Variants in NEFL observed in about 807,000 individuals in gnomAD.
The protein encoded by NEFL is neurofilament light polypeptide.
A neutral mutation model predicts 51.6 loss-of-function variants in NEFL; 36 were observed. The ratio of observed to expected loss-of-function variants is 0.70; its 90% CI spans 0.53 to 0.92. The LOEUF (loss-of-function observed/expected upper bound fraction) is 0.92. Ranked by LOEUF, NEFL falls within the 40% of genes least tolerant of loss-of-function variation. The pLI, the probability that NEFL is intolerant of heterozygous loss-of-function variation, is 0.00. For synonymous variants in NEFL, 332 were observed against 302.5 expected (o/e 1.10, Z -1.01); for missense variants, 671 against 722.0 (o/e 0.93, Z 0.81).
rs1261406519 is a variant in NEFL at position 24,953,576 on chromosome 8, A to G, written c.1389T>C (p.Ala463=). ...AGGGGGGCTCATCCTTGGCTTCCTC[A>G]GCCTTGGCAGCCTCAATGGTTTCCT... ...EVEETIEAAK[A]EEAKDEPPSE... is the part of the protein sequence containing the mutation. The change falls in exon 3 of 4, where the codon GCT becomes GCC. Residue 463 remains alanine (A), a synonymous_variant. Coordinates refer to ENST00000610854, the MANE Select transcript of NEFL (RefSeq NM_006158.5). The G allele has an allele frequency of 1.9e-6, 3 of 1,613,834 alleles. No individual in the cohort carries two copies. Among genetic ancestry groups the G allele is most frequent in the East Asian group, 2.2e-5 (1 of 44,870 alleles).
chr8:24,955,355 G>T lies in NEFL; in HGVS notation c.1044+117C>A. On this transcript the variant is annotated intron_variant, in intron 1 of 3. Coordinates refer to ENST00000610854, the MANE Select transcript of NEFL (RefSeq NM_006158.5). This position sits in a 1 kb window ranked among gnomAD's most constrained non-coding sequence, Gnocchi z 4.0. The stretch of plus-strand genomic sequence containing the variant: ...TCCCACACAGTGGCCAAGGAGCCAA[G>T]CCCTATCCCTAAGAGCTGCGTGCAG... 1.9e-6 allele frequency: 2 copies of T among 1,068,912 alleles called. No homozygotes were observed. The highest frequency in any genetic ancestry group is 2.6e-6 in the Non-Finnish European group (2 of 759,900). The allele number at this position is 1,068,912 out of a possible 1,614,324, so 66.2% of individuals were successfully genotyped here. A position where few individuals can be genotyped will look rare whatever the true frequency, so the allele number is the denominator to read the frequency against.
rs1187312974 is a variant in NEFL, at chr8:24,954,303, G to A, written c.1047C>T (p.Asp349=). 3.1e-6 allele frequency: 5 copies of A among 1,611,004 alleles called. No homozygotes were observed. Among genetic ancestry groups the A allele is most frequent in the Non-Finnish European group, 2.5e-6 (3 of 1,179,174 alleles). ...ATTCATTTTCTAATTTGTTGATCGT[G>A]TCCTGTTTGAAGACAAAAATAAAAC... ...KQNADISAMQ[D]TINKLENELR... is the part of the protein sequence containing the mutation. The change falls in exon 2 of 4, where the codon GAC becomes GAT. Residue 349 remains aspartate (D), a splice_region_variant and synonymous_variant. Coordinates refer to ENST00000610854, the MANE Select transcript of NEFL (RefSeq NM_006158.5).
rs189575654 is a variant in NEFL, at chr8:24,951,480, C to T, written c.*1330G>A. On this transcript the variant is annotated 3_prime_UTR_variant, in exon 4 of 4. Transcript: ENST00000610854. ...AAATGCAAGAGCGTTCTTAACTTTA[C>T]GACAGAAAGGATACATGGGGCGTGT... is the stretch of plus-strand genomic sequence containing the variant. 7 of 152,262 alleles carry T rather than the reference C, an allele frequency of 4.6e-5. No homozygotes were observed. The highest frequency in any genetic ancestry group is 7.2e-5 in the African/African-American group (3 of 41,554). 9.4% of individuals were successfully genotyped at this position (152,262 alleles called of 1,614,324 possible).
rs767370918 is a variant in NEFL, at chr8:24,956,246, C to G, written c.270G>C (p.Glu90Asp). ...CATTGAGGTCCTGGAGCTGCGCCTT[C>G]TCCTGCGTGCGGATGGACTTGAGGT... ...SNDLKSIRTQ[E>D]KAQLQDLNDR... The change falls in exon 1 of 4, where the codon GAG becomes GAC. Residue 90 changes from glutamate to aspartate, a missense_variant. Transcript: ENST00000610854. This position sits in a 1 kb window ranked among gnomAD's most constrained non-coding sequence, Gnocchi z 5.9. The G allele has an allele frequency of 4.3e-6, 7 of 1,611,986 alleles. No individual in the cohort carries two copies. The highest frequency in any genetic ancestry group is 5.9e-6 in the Non-Finnish European group (7 of 1,179,226).
In NEFL at chr8:24,954,218, C is replaced by A. The variant is rs1803010389; in HGVS notation, c.1132G>T (p.Val378Leu). ...YLKEYQDLLN[V>L]KMALDIEIAA... ...ATCTCAATATCCAAAGCCATCTTCA[C>A]GTTGAGGAGGTCTTGGTATTCTTTT... The change falls in exon 2 of 4, where the codon GTG becomes TTG. Residue 378 changes from valine to leucine, a missense_variant. Coordinates refer to ENST00000610854, the MANE Select transcript of NEFL (RefSeq NM_006158.5). 1 of 1,613,818 alleles carries A rather than the reference C, an allele frequency of 6.2e-7. No homozygotes were observed.
Position 24,952,838 on chromosome 8 carries a change from T to G in NEFL, c.1604A>C (p.Glu535Ala). The G allele has an allele frequency of 6.2e-7, 1 of 1,613,192 alleles. No individual in the cohort carries two copies. The highest frequency in any genetic ancestry group is 8.5e-7 in the Non-Finnish European group (1 of 1,179,170). Residue 535 changes from glutamate (E) to alanine (A), a missense_variant, in exon 4 of 4, where the codon GAG (glutamate) becomes GCG (alanine). By Grantham distance (107) the Glu-to-Ala change is moderately radical (BLOSUM62 -1). Coordinates refer to ENST00000610854, the MANE Select transcript of NEFL (RefSeq NM_006158.5). ...EEEKKVEGAG[E>A]EQAAKKKD ...ATCTTTCTTCTTAGCTGCTTGTTCC[T>G]CCCCAGCACCTTCAACTTTCTTCTC... is the stretch of plus-strand genomic sequence containing the variant.
rs35262906 is a variant in NEFL, at chr8:24,955,443, G to GC, written c.1044+28dup. 8.3e-6 allele frequency: 11 copies of GC among 1,321,214 alleles called. No individual in the cohort carries two copies. Among genetic ancestry groups the GC allele is most frequent in the Non-Finnish European group, 9.9e-6 (10 of 1,014,464 alleles). 81.8% of individuals were successfully genotyped at this position (1,321,214 alleles called of 1,614,324 possible). On this transcript the variant is annotated intron_variant, in intron 1 of 3. Transcript: ENST00000610854. This position sits in a 1 kb window ranked among gnomAD's most constrained non-coding sequence, Gnocchi z 4.0. ...ACTCCCCCCCTTGCTCGAGTCCCCC[G>GC]CCCCCCTGTGTTTCTGGCCGTGCCG...
chr8:24,953,047 G>A, intron 3 of NEFL, 95 bp from the exon 4 acceptor site: 1 of 1,428,126 alleles, frequency 7.0e-7, no homozygotes. Flanking sequence ...ACAACTGTCA[G>A]AATGCTACCA....
chr8:24,954,431 T>C (rs1040717359), intron 1 of NEFL, 126 bp from the exon 2 acceptor site: 2 of 1,065,916 alleles, frequency 1.9e-6, no homozygotes, highest in Non-Finnish European at 2.6e-6. Context: ...TGATAAAATC[T>C]CTCCTAGAAT....
In NEFL at chr8:24,955,433, C is replaced by T. The variant is rs6982740; in HGVS notation, c.1044+39G>A. ...GGGCGCACCAACTCCCCCCCTTGCT[C>T]GAGTCCCCCGCCCCCCTGTGTTTCT... On this transcript the variant is annotated intron_variant, in intron 1 of 3. Transcript: ENST00000610854. This position sits in a 1 kb window ranked among gnomAD's most constrained non-coding sequence, Gnocchi z 4.0. 5.1e-5 allele frequency: 42 copies of T among 825,932 alleles called. 1 individual carries two copies. In the South Asian group the frequency reaches 5.9e-4, roughly 12 times the overall value. The allele number at this position is 825,932 out of a possible 1,614,324, so 51.2% of individuals were successfully genotyped here. A position where few individuals can be genotyped will look rare whatever the true frequency, so the allele number is the denominator to read the frequency against.
At position 24,955,490 on chromosome 8, in the gene NEFL, G is replaced by T; in HGVS notation, c.1026C>A (p.Ala342=). 6.2e-7 allele frequency: 1 copy of T among 1,608,380 alleles called. No homozygotes were observed. The highest frequency in any genetic ancestry group is 2.2e-5 in the East Asian group (1 of 44,746). ...GCCGCACCTGCATAGCGCTGATGTC[G>T]GCGTTCTGCTTGTCCTCCAGCTCCT... ...QLQELEDKQN[A]DISAMQDTIN... is the part of the protein sequence containing the mutation. The change falls in exon 1 of 4, where the codon GCC becomes GCA. Residue 342 remains alanine, a synonymous_variant. Transcript: ENST00000610854. This position sits in a 1 kb window ranked among gnomAD's most constrained non-coding sequence, Gnocchi z 4.0.
chr8:24,955,307 A>C lies in NEFL; in HGVS notation c.1044+165T>G. On this transcript the variant is annotated intron_variant, in intron 1 of 3. Coordinates refer to ENST00000610854, the MANE Select transcript of NEFL (RefSeq NM_006158.5). This position sits in a 1 kb window ranked among gnomAD's most constrained non-coding sequence, Gnocchi z 4.0. ...CCAGACTACAGTGGCGCCCGCACTCACGCCCTTCAAGTGCCCCACCCCTCC... is the reference window on the plus strand; with the variant it reads ...CCAGACTACAGTGGCGCCCGCACTCCCGCCCTTCAAGTGCCCCACCCCTCC... 1 of 667,142 alleles carries C rather than the reference A, an allele frequency of 1.5e-6. No homozygotes were observed. Among genetic ancestry groups the C allele is most frequent in the South Asian group, 2.0e-5 (1 of 49,676 alleles). 41.3% of individuals were successfully genotyped at this position (667,142 alleles called of 1,614,324 possible).
At position 24,955,597 on chromosome 8, in the gene NEFL, C is replaced by T. The variant is rs748108933; in HGVS notation, c.919G>A (p.Glu307Lys). ...AVRAAKDEVS[E>K]SRRLLKAKTL... ...TTGGCCTTGAGCAGACGACGGCTCT[C>T]GGACACCTCGTCCTTGGCGGCGCGC... is the stretch of plus-strand genomic sequence containing the variant. Residue 307 changes from glutamate to lysine, a missense_variant, in exon 1 of 4, where the codon GAG becomes AAG. By Grantham distance (56) the Glu-to-Lys change is moderately conservative. Transcript: ENST00000610854. This position sits in a 1 kb window ranked among gnomAD's most constrained non-coding sequence, Gnocchi z 4.0. 1.2e-6 allele frequency: 2 copies of T among 1,613,696 alleles called. No individual in the cohort carries two copies. Among genetic ancestry groups the T allele is most frequent in the African/African-American group, 1.3e-5 (1 of 74,916 alleles).
intron 3 of NEFL, 62 bp downstream of exon 3, chr8:24,953,414 C>T (rs1456804291): frequency 5.8e-6 from 9 of 1,542,176 alleles, no homozygotes; most frequent in Non-Finnish European, 7.8e-6. Context: ...TCTTATCCAC[C>T]TCCTAACAAA....
chr8:24,955,436 G>A lies in NEFL; in HGVS notation c.1044+36C>T. The A allele has an allele frequency of 6.8e-7, 1 of 1,474,864 alleles. No homozygotes were observed. Among genetic ancestry groups the A allele is most frequent in the South Asian group, 1.5e-5 (1 of 68,940 alleles). The allele number at this position is 1,474,864 out of a possible 1,614,324, so 91.4% of individuals were successfully genotyped here. A position where few individuals can be genotyped will look rare whatever the true frequency, so the allele number is the denominator to read the frequency against. ...CGCACCAACTCCCCCCCTTGCTCGA[G>A]TCCCCCGCCCCCCTGTGTTTCTGGC... On this transcript the variant is annotated intron_variant, in intron 1 of 3. Coordinates refer to ENST00000610854, the MANE Select transcript of NEFL (RefSeq NM_006158.5). The surrounding 1 kb of genome is among the most constrained non-coding windows in gnomAD (Gnocchi z 4.0).
chr8:24,955,172 T>A lies in NEFL; in HGVS notation c.1044+300A>T. ...AATGCAGGTCAGTAGAGAGCTGATCTCACTGCAGGCCGGAGGCAACGCCCA... is the reference window on the plus strand; with the variant it reads ...AATGCAGGTCAGTAGAGAGCTGATCACACTGCAGGCCGGAGGCAACGCCCA... On this transcript the variant is annotated intron_variant, in intron 1 of 3. Transcript: ENST00000610854. This position sits in a 1 kb window ranked among gnomAD's most constrained non-coding sequence, Gnocchi z 4.0. 1 of 489,802 alleles carries A rather than the reference T, an allele frequency of 2.0e-6. No homozygotes were observed. Among genetic ancestry groups the A allele is most frequent in the East Asian group, 3.5e-5 (1 of 28,922 alleles). 30.3% of individuals were successfully genotyped at this position (489,802 alleles called of 1,614,324 possible). A position where few individuals can be genotyped will look rare whatever the true frequency, so the allele number is the denominator to read the frequency against.
chr8:24,955,556 T>G lies in NEFL; in HGVS notation c.960A>C (p.Glu320Asp). The change falls in exon 1 of 4, where the codon GAA becomes GAC. Residue 320 changes from glutamate (E) to aspartate (D), a missense_variant. Transcript: ENST00000610854. This position sits in a 1 kb window ranked among gnomAD's most constrained non-coding sequence, Gnocchi z 4.0. ...GCGCTTCATTCATGCCCCGGCATGC[T>G]TCGATTTCCAGGGTCTTGGCCTTGA... ...RLLKAKTLEI[E>D]ACRGMNEALE... 6.2e-7 allele frequency: 1 copy of G among 1,613,596 alleles called. No homozygotes were observed. The highest frequency in any genetic ancestry group is 8.5e-7 in the Non-Finnish European group (1 of 1,179,848).
At chr8:24,953,413 C>T in intron 3 of NEFL, 63 bp downstream of exon 3, 1 of 1,542,124 alleles carries the variant, frequency 6.5e-7, no homozygotes, top group Admixed American at 2.0e-5. Context: ...GTCTTATCCA[C>T]CTCCTAACAA....
chr8:24,955,543 T>G lies in NEFL; in HGVS notation c.973A>C (p.Met325Leu). Residue 325 changes from methionine (M) to leucine (L), a missense_variant, in exon 1 of 4, where the codon ATG (methionine) becomes CTG (leucine). Coordinates refer to ENST00000610854, the MANE Select transcript of NEFL (RefSeq NM_006158.5). The surrounding 1 kb of genome is among the most constrained non-coding windows in gnomAD (Gnocchi z 4.0). ...KTLEIEACRG[M>L]NEALEKQLQE... Reference sequence around the variant, plus strand: ...AGCTGCTTCTCCAGCGCTTCATTCATGCCCCGGCATGCTTCGATTTCCAGG... The same window carrying G: ...AGCTGCTTCTCCAGCGCTTCATTCAGGCCCCGGCATGCTTCGATTTCCAGG... 2 of 1,613,324 alleles carry G rather than the reference T, an allele frequency of 1.2e-6. No individual in the cohort carries two copies.
Sources: allele counts gnomAD v4.1 joint callset, GRCh38; gene constraint gnomAD v4.1.1; non-coding constraint Gnocchi (gnomAD v3.1); transcripts MANE v1.5; gene names NCBI Gene and HGNC (gene_info 2026-07-23, HGNC 2026-07-21).